The following MICAL2 variants were observed in gnomAD, a reference collection of about 807,000 sequenced individuals.
The protein encoded by MICAL2 is [F-actin]-monooxygenase MICAL2.
Under a neutral mutation model 127.3 loss-of-function variants are expected in MICAL2, and 77 were observed. The ratio of observed to expected loss-of-function variants is 0.60; its 90% CI spans 0.50 to 0.73. MICAL2 has a LOEUF of 0.73. Among genes scored for constraint, MICAL2 ranks in the 30% least tolerant of loss-of-function variants. The pLI, the probability that MICAL2 is intolerant of heterozygous loss-of-function variation, is 0.00. For missense variants in MICAL2, 1,351 were observed against 1,434.4 expected (o/e 0.94, Z 0.94); for synonymous variants, 570 against 551.1 (o/e 1.03, Z -0.48).
At chr11:12,216,897 G>A (rs894417058) in intron 8 of MICAL2, among the ~76,000 whole-genome samples, 5 of 152,206 alleles carry the variant, frequency 3.3e-5, no homozygotes, top group Non-Finnish European at 7.3e-5. Context: ...GGAGCAAACA[G>A]AAGATATATA....
At chr11:12,327,426 T>G (rs1444657550) in intron 32 of MICAL2, among the ~76,000 whole-genome samples, 1 of 152,238 alleles carries the variant, frequency 6.6e-6, no homozygotes, top group Non-Finnish European at 1.5e-5. Flanking sequence ...ATCAAACTAT[T>G]GTTTCTCGGC....
intron 17 of MICAL2, among the ~76,000 whole-genome samples, chr11:12,240,617 G>A (rs895489786): frequency 6.6e-6 from 1 of 152,198 alleles, no homozygotes; most frequent in East Asian, 1.9e-4. Context: ...CCCAAGTGCT[G>A]ATGAGGGCTC....
At chr11:12,182,849 T>G (rs1486350971) in intron 3 of MICAL2, among the ~76,000 whole-genome samples, 1 of 152,178 alleles carries the variant, frequency 6.6e-6, no homozygotes, top group East Asian at 1.9e-4. Flanking sequence ...AGGCCGATCC[T>G]CTGCTCACTG....
downstream of MICAL2, among the ~76,000 whole-genome samples, chr11:12,265,775 A>G (rs1197755791): frequency 6.6e-6 from 1 of 152,198 alleles, no homozygotes; most frequent in Non-Finnish European, 1.5e-5. Flanking sequence ...AAAAGCAAGC[A>G]TTTACAAAAG....
At chr11:12,302,539 A>G (rs916496582) in intron 29 of MICAL2, among the ~76,000 whole-genome samples, 2 of 152,166 alleles carry the variant, frequency 1.3e-5, no homozygotes, top group African/African-American at 4.8e-5. Context: ...AACTTTTCAC[A>G]TGCTTATTTA....
intron 4 of MICAL2, 127 bp from the exon 5 acceptor site, chr11:12,207,896 G>C: frequency 1.3e-6 from 1 of 743,684 alleles, no homozygotes; most frequent in Non-Finnish European, 2.4e-6. Flanking sequence ...ATCCCGCTCA[G>C]TAATGATCAT....
At chr11:12,262,344 A>G in intron 26 of MICAL2, 136 bp from the exon 27 acceptor site, 1 of 1,488,076 alleles carries the variant, frequency 6.7e-7, no homozygotes. Context: ...TTTCAGAGGA[A>G]GTTTCCCTCT....
chr11:12,299,590 A>C (rs1160569480), intron 29 of MICAL2, among the ~76,000 whole-genome samples: 6 of 152,232 alleles, frequency 3.9e-5, no homozygotes, highest in African/African-American at 1.4e-4. Flanking sequence ...TCTTATAGAA[A>C]CAATTTTAAT....
Position 12,180,350 on chromosome 11 carries a change from T to TA in MICAL2, c.264+17931_264+17932insA, listed in dbSNP as rs1554968182. Among the ~76,000 whole-genome samples, 177 of 104,126 alleles carry TA rather than the reference T, an allele frequency of 1.7e-3. 2 individuals carry two copies. The highest frequency in any genetic ancestry group is 8.1e-3 in the African/African-American group (157 of 19,278). 68.3% of individuals were successfully genotyped at this position (104,126 alleles called of 152,430 possible). A position where few individuals can be genotyped will look rare whatever the true frequency, so the allele number is the denominator to read the frequency against. On this transcript the variant is annotated intron_variant, in intron 3 of 27. Transcript: ENST00000683283. Reference sequence around the variant, plus strand: ...TTATATACATGTATATATGTATATATTTTTTTTTTGGCAGGAAGGTTTCCC... The same window carrying TA: ...TTATATACATGTATATATGTATATATATTTTTTTTTGGCAGGAAGGTTTCCC...
At position 12,262,476 on chromosome 11, in the gene MICAL2, T is replaced by G. The variant is rs771682639; in HGVS notation, c.3335-4T>G. On this transcript the variant is annotated splice_region_variant and splice_polypyrimidine_tract_variant and intron_variant, in intron 26 of 27. Transcript: ENST00000683283. Reference sequence around the variant, plus strand: ...TCTTTCCAATCTTACGCCATGGCCATCAGTTCATTTCAGCCTTCCAGTGCT... The same window carrying G: ...TCTTTCCAATCTTACGCCATGGCCAGCAGTTCATTTCAGCCTTCCAGTGCT... 1.2e-6 allele frequency: 2 copies of G among 1,613,758 alleles called. No homozygotes were observed. Among genetic ancestry groups the G allele is most frequent in the Non-Finnish European group, 1.7e-6 (2 of 1,180,016 alleles).
intron 3 of MICAL2, among the ~76,000 whole-genome samples, chr11:12,200,595 C>T (rs1033147682): frequency 2.6e-5 from 4 of 152,322 alleles, no homozygotes; most frequent in Non-Finnish European, 4.4e-5. Context: ...ACATCTGTAC[C>T]GAATTTTCTC....
At chr11:12,287,374 C>A (rs373686229), downstream of MICAL2, 4 of 365,512 alleles carry the variant, frequency 1.1e-5, no homozygotes, top group East Asian at 1.6e-4. Context: ...TCTTCCCATC[C>A]CCCTCCACCC....
In MICAL2 at chr11:12,326,735, G is replaced by A. The variant is rs552270125; in HGVS notation, c.5422-438G>A. Reference sequence around the variant, plus strand: ...CCAGACTGACTCCTTGGGAGGTATAGGCTGGTTCTTCTTGGAGAAAATAGA... The same window carrying A: ...CCAGACTGACTCCTTGGGAGGTATAAGCTGGTTCTTCTTGGAGAAAATAGA... On this transcript the variant is annotated intron_variant, in intron 31 of 34. Transcript: ENST00000646065. 6.6e-5 allele frequency among the ~76,000 whole-genome samples: 10 copies of A among 152,316 alleles called. No individual in the cohort carries two copies. The South Asian group carries it at 1.9e-3, about 28-fold the overall frequency.
chr11:12,292,067 C>G (rs118101995), downstream of MICAL2: 15,791 of 1,495,022 alleles, frequency 0.011, 122 homozygotes, highest in Non-Finnish European at 0.013. Flanking sequence ...AGAATTGGAG[C>G]TTCACTTAAA....
intron 3 of MICAL2, among the ~76,000 whole-genome samples, chr11:12,163,471 C>T (rs150117514): frequency 3.3e-5 from 5 of 152,332 alleles, no homozygotes; most frequent in Non-Finnish European, 7.3e-5. Flanking sequence ...TGGTGAGAAG[C>T]TGTCGAGTCC....
Position 12,204,411 on chromosome 11 carries a change from C to T in MICAL2, c.426C>T (p.Ala142=), listed in dbSNP as rs1854412404. The part of the protein sequence containing the change: ...FTIHDLRGLG[A]KKFYGKFCAG... ...TCCATGACCTTCGTGGCCTGGGAGCCAAGAAGTTCTATGGGAAGTTCTGTG... is the reference window on the plus strand; with the variant it reads ...TCCATGACCTTCGTGGCCTGGGAGCTAAGAAGTTCTATGGGAAGTTCTGTG... The change falls in exon 4 of 28, where the codon GCC becomes GCT. Residue 142 remains alanine (A), a synonymous_variant. Transcript: ENST00000683283. 1.9e-6 allele frequency: 3 copies of T among 1,614,034 alleles called. No individual in the cohort carries two copies. The Admixed American group carries it at 5.0e-5, about 27-fold the overall frequency.
At chr11:12,331,823 G>A (rs933136160) in intron 32 of MICAL2, among the ~76,000 whole-genome samples, 1 of 152,062 alleles carries the variant, frequency 6.6e-6, no homozygotes, top group Non-Finnish European at 1.5e-5. Flanking sequence ...AAATAAAATA[G>A]GTATCCAAAA....
chr11:12,111,737 C>CACCA (rs1435861206), intron 1 of MICAL2, among the ~76,000 whole-genome samples: 4 of 152,350 alleles, frequency 2.6e-5, no homozygotes, highest in Middle Eastern at 3.4e-3. Flanking sequence ...AGGATGAAGT[C>CACCA]ACCAGCCAGG....
At chr11:12,357,587 C>T (rs1270756689) in intron 34 of MICAL2, among the ~76,000 whole-genome samples, 1 of 152,126 alleles carries the variant, frequency 6.6e-6, no homozygotes, top group Non-Finnish European at 1.5e-5. Flanking sequence ...GCCTGTAATC[C>T]CAGCACTTTG....
Sources: gnomAD v4.1 joint callset for allele counts (sites outside exome capture counted in the v4.1 genomes callset) on GRCh38, gnomAD v4.1.1 for gene constraint, MANE v1.5 for transcripts, NCBI Gene and HGNC (gene_info 2026-07-23, HGNC 2026-07-21) for gene names.